The following CPEB3 variants were observed in gnomAD, a reference collection of about 807,000 sequenced individuals.
The protein encoded by CPEB3 is cytoplasmic polyadenylation element-binding protein 3.
A neutral mutation model predicts 67.2 loss-of-function variants in CPEB3; 20 were observed. The ratio of observed to expected loss-of-function variants is 0.30; its 90% CI spans 0.21 to 0.43. CPEB3 has a LOEUF of 0.43. Ranked by LOEUF, CPEB3 falls within the 20% of genes least tolerant of loss-of-function variation. The pLI is 1.00. For missense variants in CPEB3, 746 were observed against 968.6 expected, an observed-to-expected ratio of 0.77 and a Z score of 3.05; for synonymous variants, 376 against 393.1, an observed-to-expected ratio of 0.96 and a Z score of 0.51.
At chr10:92,138,919 A>G (rs1846249401) in intron 6 of CPEB3, among the ~76,000 whole-genome samples, 1 of 152,236 alleles carries the variant, frequency 6.6e-6, no homozygotes, top group East Asian at 1.9e-4. Context: ...TTGCAGCACT[A>G]TTCACAATAG....
At chr10:92,130,818 T>C (rs1013239585) in intron 6 of CPEB3, among the ~76,000 whole-genome samples, 2 of 152,180 alleles carry the variant, frequency 1.3e-5, no homozygotes, top group African/African-American at 2.4e-5. Context: ...GTATACACTA[T>C]CTGAGAAAGG....
intron 1 of CPEB3, among the ~76,000 whole-genome samples, chr10:92,285,603 G>A (rs189045325): frequency 6.6e-6 from 1 of 152,082 alleles, no homozygotes; most frequent in Non-Finnish European, 1.5e-5. Context: ...GAACATTGGG[G>A]GACACATTCA....
chr10:92,274,341 T>C (rs1841880428), intron 1 of CPEB3, among the ~76,000 whole-genome samples: 1 of 152,200 alleles, frequency 6.6e-6, no homozygotes, highest in Non-Finnish European at 1.5e-5. Flanking sequence ...GCCTCACACA[T>C]GGCTGCTCTT....
chr10:92,265,790 C>CT (rs761530938), intron 1 of CPEB3, among the ~76,000 whole-genome samples: 1,383 of 138,282 alleles, frequency 0.01, 11 homozygotes, highest in Middle Eastern at 0.023. Context: ...AAAAAGTTTT[C>CT]TTTTTTTTTT....
chr10:92,170,855 A>C (rs1255555567), intron 4 of CPEB3, among the ~76,000 whole-genome samples: 2 of 152,232 alleles, frequency 1.3e-5, no homozygotes, highest in African/African-American at 4.8e-5. Flanking sequence ...ATCTGTTTTC[A>C]ACAAACCATC....
intron 1 of CPEB3, among the ~76,000 whole-genome samples, chr10:92,271,349 ATAT>A (rs753473449): frequency 6.6e-5 from 10 of 152,200 alleles, no homozygotes; most frequent in African/African-American, 1.4e-4. Flanking sequence ...AATTGATTCA[ATAT>A]TATTATCATG....
At position 92,204,758 on chromosome 10, in the gene CPEB3, C is replaced by T. The variant is rs559051983; in HGVS notation, c.1006-12122G>A. 2.6e-4 allele frequency among the ~76,000 whole-genome samples: 38 copies of T among 147,592 alleles called. 1 individual carries two copies. Among genetic ancestry groups the T allele is most frequent in the Admixed American group, 1.6e-3 (23 of 14,720 alleles). On this transcript the variant is annotated intron_variant, in intron 2 of 9. Coordinates refer to ENST00000265997, the MANE Select transcript of CPEB3 (RefSeq NM_014912.5). ...AAAAGAGACTTAAATTAAAATGAGA[C>T]AAATAATAAAATTGGATTAAATAAC...
chr10:92,118,437 T>C (rs899084950), intron 6 of CPEB3, among the ~76,000 whole-genome samples: 2 of 152,174 alleles, frequency 1.3e-5, no homozygotes, highest in South Asian at 4.1e-4. Context: ...CGGCCTGACA[T>C]TGTTTTAATA....
At chr10:92,221,251 G>A (rs1850684283) in intron 2 of CPEB3, among the ~76,000 whole-genome samples, 1 of 152,198 alleles carries the variant, frequency 6.6e-6, no homozygotes, top group African/African-American at 2.4e-5. Flanking sequence ...CCAGCATTTT[G>A]GGAGGCCATG....
chr10:92,211,866 T>C (rs975582491), intron 2 of CPEB3, among the ~76,000 whole-genome samples: 8 of 149,686 alleles, frequency 5.3e-5, no homozygotes, highest in African/African-American at 1.5e-4. Context: ...TCTAAGATCA[T>C]ATATCTTTTT....
rs1448411222 is a variant in CPEB3, at chr10:92,051,375, G to A, written c.*837C>T. 6 of 152,556 alleles carry A rather than the reference G, an allele frequency of 3.9e-5. No homozygotes were observed. The highest frequency in any genetic ancestry group is 7.4e-5 in the Non-Finnish European group (5 of 68,020). 9.5% of individuals were successfully genotyped at this position (152,556 alleles called of 1,614,324 possible). On this transcript the variant is annotated 3_prime_UTR_variant, in exon 10 of 10. Coordinates refer to ENST00000265997, the MANE Select transcript of CPEB3 (RefSeq NM_014912.5). ...CAGTCAGAAATAGTGACCTTCCACC[G>A]AAGCTTTCTGAAGTCTATTCTGATC...
intron 2 of CPEB3, among the ~76,000 whole-genome samples, chr10:92,224,928 A>G (rs1053593897): frequency 1.1e-4 from 16 of 147,784 alleles, no homozygotes; most frequent in Non-Finnish European, 1.6e-4. Context: ...AATAATTTAC[A>G]TATTATATAT....
chr10:92,108,829 G>T (rs1844594766), intron 7 of CPEB3, among the ~76,000 whole-genome samples: 1 of 151,572 alleles, frequency 6.6e-6, no homozygotes. Flanking sequence ...TCAATCCAAG[G>T]ATAATACATG....
chr10:92,142,690 A>T (rs1846493255), intron 6 of CPEB3, among the ~76,000 whole-genome samples: 1 of 152,216 alleles, frequency 6.6e-6, no homozygotes, highest in Non-Finnish European at 1.5e-5. Flanking sequence ...TACAAATAAA[A>T]TCTGACCCTA....
chr10:92,142,477 A>T (rs855700), intron 6 of CPEB3, among the ~76,000 whole-genome samples: 2,036 of 152,294 alleles, frequency 0.013, 48 homozygotes, highest in African/African-American at 0.047. Flanking sequence ...TGCACTCATA[A>T]ATTATCAAAT....
chr10:92,212,872 C>G (rs368749598), intron 2 of CPEB3, among the ~76,000 whole-genome samples: 1 of 152,052 alleles, frequency 6.6e-6, no homozygotes, highest in Non-Finnish European at 1.5e-5. Flanking sequence ...AAGTTCCAGA[C>G]CAGCCTGGGC....
Position 92,116,271 on chromosome 10 carries a change from T to A in CPEB3, c.1454-5077A>T, listed in dbSNP as rs1845026488. 7.3e-5 allele frequency among the ~76,000 whole-genome samples: 11 copies of A among 149,708 alleles called. No homozygotes were observed. The South Asian group carries it at 2.1e-3, about 29-fold the overall frequency. On this transcript the variant is annotated intron_variant, in intron 6 of 9. Transcript: ENST00000265997. Reference sequence around the variant, plus strand: ...TTCCAGTAAAAAAAAAAAAAAATAATAATAATAATAATATGCACTTTCTAT... The same window carrying A: ...TTCCAGTAAAAAAAAAAAAAAATAAAAATAATAATAATATGCACTTTCTAT...
Position 92,180,037 on chromosome 10 carries a change from A to G in CPEB3, c.1222+926T>C, listed in dbSNP as rs114874967. On this transcript the variant is annotated intron_variant, in intron 4 of 9. Transcript: ENST00000265997. ...TACTAGAGGAGAAAACTTAAAGTCT[A>G]AAAGATTCAATGGCTTATACAGGTC... Among the ~76,000 whole-genome samples, 491 of 152,322 alleles carry G rather than the reference A, an allele frequency of 3.2e-3. 3 individuals are homozygous for G. Among genetic ancestry groups the G allele is most frequent in the African/African-American group, 0.011 (476 of 41,578 alleles).
intron 4 of CPEB3, among the ~76,000 whole-genome samples, chr10:92,158,217 C>T (rs998112854): frequency 6.6e-6 from 1 of 152,026 alleles, no homozygotes; most frequent in African/African-American, 2.4e-5. Context: ...TGACTGCAGA[C>T]ACTATATTTT....
Sources: gnomAD v4.1 joint callset for allele counts (sites outside exome capture counted in the v4.1 genomes callset) on GRCh38, gnomAD v4.1.1 for gene constraint, MANE v1.5 for transcripts, NCBI Gene and HGNC (gene_info 2026-07-23, HGNC 2026-07-21) for gene names.